CTXND1: variants seen among roughly 807,000 people sequenced by gnomAD.
CTXND1 encodes cortexin domain-containing 1 protein.
At chr15:80,231,859 T>C (rs1893435463) in intron 1 of CTXND1, among the ~76,000 whole-genome samples, 1 of 152,176 alleles carries the variant, frequency 6.6e-6, no homozygotes, top group Admixed American at 6.5e-5. Flanking sequence ...CTGTGCATAA[T>C]TTATGTTTTG....
Position 80,220,785 on chromosome 15 carries a change from A to AT in CTXND1, c.-217-17046dup, listed in dbSNP as rs896260807. On this transcript the variant is annotated intron_variant, in intron 1 of 2. Coordinates refer to ENST00000560778, the MANE Select transcript of CTXND1 (RefSeq NM_001352888.2). ...AGGTATTTTGTGGTTTATAGTATTG[A>AT]TTTTTTTTTACACCTTATAATTAGT... Among the ~76,000 whole-genome samples the AT allele has an allele frequency of 6.6e-5, 10 of 150,706 alleles. No homozygotes were observed. In the East Asian group the frequency reaches 7.8e-4, roughly 12 times the overall value.
Position 80,201,778 on chromosome 15 carries a change from C to G in CTXND1, c.172G>C (p.Asp58His), listed in dbSNP as rs1002648196. 7.5e-6 allele frequency: 3 copies of G among 398,906 alleles called. No homozygotes were observed. Among genetic ancestry groups the G allele is most frequent in the Middle Eastern group, 6.3e-4 (1 of 1,590 alleles). The allele number at this position is 398,906 out of a possible 1,614,324, so 24.7% of individuals were successfully genotyped here. Residue 58 changes from aspartate (D) to histidine (H), a missense_variant, in exon 3 of 3, where the codon GAC (aspartate) becomes CAC (histidine). Coordinates refer to ENST00000560778, the MANE Select transcript of CTXND1 (RefSeq NM_001352888.2). ...PTSTWEEQHL[D>H]D ...CCCACAGCCGCTGTGCCTCAGTCGT[C>G]CAGGTGCTGCTCCTCCCAGGTGGAT... is the stretch of plus-strand genomic sequence containing the variant.
intron 1 of CTXND1, among the ~76,000 whole-genome samples, chr15:80,217,707 G>C (rs1284987187): frequency 6.6e-6 from 1 of 151,394 alleles, no homozygotes; most frequent in Admixed American, 6.6e-5. Context: ...CCACCATACC[G>C]GGCTAATTCT....
intron 1 of CTXND1, among the ~76,000 whole-genome samples, chr15:80,237,948 G>A (rs977552226): frequency 1.5e-5 from 2 of 132,374 alleles, no homozygotes; most frequent in African/African-American, 3.0e-5. Context: ...GGTGGATGTT[G>A]CAGTAAGCTG....
At chr15:80,213,793 A>T (rs1411034740) in intron 1 of CTXND1, among the ~76,000 whole-genome samples, 1 of 152,246 alleles carries the variant, frequency 6.6e-6, no homozygotes, top group African/African-American at 2.4e-5. Flanking sequence ...TATAAATAAT[A>T]CATTCTATAT....
chr15:80,235,941 C>G (rs1024909032), intron 1 of CTXND1, among the ~76,000 whole-genome samples: 1 of 149,980 alleles, frequency 6.7e-6, no homozygotes, highest in Non-Finnish European at 1.5e-5. Flanking sequence ...AGAAGAGTGT[C>G]GGGTTCCTAG....
At chr15:80,245,331 C>T (rs918759970) in intron 1 of CTXND1, among the ~76,000 whole-genome samples, 4 of 152,216 alleles carry the variant, frequency 2.6e-5, no homozygotes, top group South Asian at 2.1e-4. Context: ...ACACTGTTCC[C>T]GAAGAGACAG....
intron 1 of CTXND1, among the ~76,000 whole-genome samples, chr15:80,248,192 T>C (rs931626474): frequency 6.6e-6 from 1 of 152,210 alleles, no homozygotes; most frequent in African/African-American, 2.4e-5. Flanking sequence ...AAAGTCTCAT[T>C]GTCTTTGATG....
At chr15:80,234,164 C>T (rs1893465335) in intron 1 of CTXND1, among the ~76,000 whole-genome samples, 1 of 152,138 alleles carries the variant, frequency 6.6e-6, no homozygotes, top group Non-Finnish European at 1.5e-5. Context: ...ACAAAGAAAG[C>T]CCAGCCGTCT....
At chr15:80,225,204 GA>G (rs1329654323) in intron 1 of CTXND1, among the ~76,000 whole-genome samples, 35 of 152,196 alleles carry the variant, frequency 2.3e-4, no homozygotes, top group Non-Finnish European at 4.0e-4. Context: ...TGTTAGAGAT[GA>G]AAAAAATTTT....
At chr15:80,203,894 A>G (rs1172375374) in intron 1 of CTXND1, among the ~76,000 whole-genome samples, 154 bp from the exon 2 acceptor site, 1 of 151,804 alleles carries the variant, frequency 6.6e-6, no homozygotes, top group South Asian at 2.1e-4. Context: ...TTTTTAAAAT[A>G]TAACAACTTT....
intron 1 of CTXND1, among the ~76,000 whole-genome samples, chr15:80,225,441 C>T (rs1893361780): frequency 6.6e-6 from 1 of 151,950 alleles, no homozygotes; most frequent in Non-Finnish European, 1.5e-5. Flanking sequence ...TTTTCCCCAC[C>T]ATTTCCTTGT....
At chr15:80,224,075 A>G (rs1893348305) in intron 1 of CTXND1, among the ~76,000 whole-genome samples, 1 of 152,204 alleles carries the variant, frequency 6.6e-6, no homozygotes, top group Non-Finnish European at 1.5e-5. Flanking sequence ...CGCCATGTCA[A>G]GAATCAGCTG....
At chr15:80,216,208 T>C (rs987399257) in intron 1 of CTXND1, among the ~76,000 whole-genome samples, 6 of 152,190 alleles carry the variant, frequency 3.9e-5, no homozygotes, top group African/African-American at 1.2e-4. Flanking sequence ...GCATCAACCA[T>C]ATGTTTTCTG....
chr15:80,237,336 GAAAAAAAAAAAA>G (rs201997173), intron 1 of CTXND1, among the ~76,000 whole-genome samples: 29,706 of 101,750 alleles, frequency 0.29, 3,258 homozygotes, highest in Middle Eastern at 0.37. Context: ...CAGTGTCTCA[GAAAAAAAAAAAA>G]AAAAAAAAAG....
At chr15:80,250,072 T>A (rs1258480111) in intron 1 of CTXND1, among the ~76,000 whole-genome samples, 1 of 152,232 alleles carries the variant, frequency 6.6e-6, no homozygotes, top group Non-Finnish European at 1.5e-5. Flanking sequence ...CATTTCATTT[T>A]CTATTTACGT....
At chr15:80,250,986 G>T (rs1893687198) in intron 1 of CTXND1, among the ~76,000 whole-genome samples, 1 of 152,180 alleles carries the variant, frequency 6.6e-6, no homozygotes, top group African/African-American at 2.4e-5. Flanking sequence ...GGGTAAGATT[G>T]TATCACAGTG....
intron 1 of CTXND1, among the ~76,000 whole-genome samples, chr15:80,224,672 G>C (rs955277923): frequency 2.0e-5 from 3 of 152,192 alleles, no homozygotes; most frequent in African/African-American, 4.8e-5. Context: ...GCAATATCAA[G>C]TGACCCAAAC....
At chr15:80,227,718 G>T (rs973927100) in intron 1 of CTXND1, among the ~76,000 whole-genome samples, 14 of 152,166 alleles carry the variant, frequency 9.2e-5, no homozygotes, top group African/African-American at 3.4e-4. Flanking sequence ...GCTAAAAAAT[G>T]CTACTGATCA....
Sources: allele counts gnomAD v4.1 joint callset (sites outside exome capture counted in the v4.1 genomes callset), GRCh38; gene constraint gnomAD v4.1.1; transcripts MANE v1.5; gene names NCBI Gene and HGNC (gene_info 2026-07-23, HGNC 2026-07-21).